Variants in RTKN2 observed in about 807,000 individuals in gnomAD.
RTKN2 encodes rhotekin-2.
RTKN2 carries 69 observed loss-of-function variants against 71.5 expected under a neutral mutation model. The observed-to-expected ratio is 0.96, with a 90% CI of 0.79 to 1.18. RTKN2 has a LOEUF of 1.18. Ranked by LOEUF, RTKN2 falls within the 50% of genes most tolerant of loss-of-function variation. The pLI is 0.00. For synonymous variants in RTKN2, 236 were observed against 236.5 expected (o/e 1.00, Z 0.02); for missense variants, 724 against 719.7 (o/e 1.01, Z -0.07).
At chr10:62,233,895 A>G (rs1260903435) in intron 6 of RTKN2, among the ~76,000 whole-genome samples, 1 of 152,218 alleles carries the variant, frequency 6.6e-6, no homozygotes, top group Non-Finnish European at 1.5e-5. Context: ...CATGCTGAAG[A>G]GCCAACTCGA....
intron 8 of RTKN2, among the ~76,000 whole-genome samples, chr10:62,186,607 T>C (rs1447996213): frequency 6.6e-6 from 1 of 152,172 alleles, no homozygotes; most frequent in Non-Finnish European, 1.5e-5. Context: ...CTCAACCCCT[T>C]CCCGCTCTCA....
downstream of RTKN2, among the ~76,000 whole-genome samples, chr10:62,189,550 G>C (rs113586497): frequency 6.6e-6 from 1 of 152,082 alleles, no homozygotes; most frequent in Non-Finnish European, 1.5e-5. Context: ...CACCCACCAG[G>C]TGCAGTGGCA....
intron 1 of RTKN2, among the ~76,000 whole-genome samples, chr10:62,263,030 C>T (rs1013125035): frequency 4.6e-5 from 7 of 152,068 alleles, no homozygotes; most frequent in Non-Finnish European, 8.8e-5. Flanking sequence ...TCTAAAGAAA[C>T]GGAATAAACG....
Position 62,262,668 on chromosome 10 carries a change from G to A in RTKN2, c.214C>T (p.Leu72=), listed in dbSNP as rs922241788. The A allele has an allele frequency of 1.9e-6, 3 of 1,610,866 alleles. No individual in the cohort carries two copies. The highest frequency in any genetic ancestry group is 2.5e-6 in the Non-Finnish European group (3 of 1,178,488). Residue 72 remains leucine, a synonymous_variant, in exon 2 of 12, where the codon CTA becomes TTA. Transcript: ENST00000373789. ...NARLMAYTSE[L]QKLEEQIANQ... ...GCAATCTGTTCTTCTAATTTCTGTA[G>A]CTCCGATGTATAGGCCATTAGTCGA...
At chr10:62,228,563 A>C (rs1842080311) in intron 6 of RTKN2, among the ~76,000 whole-genome samples, 1 of 152,236 alleles carries the variant, frequency 6.6e-6, no homozygotes, top group African/African-American at 2.4e-5. Context: ...GATAGTTATG[A>C]AATAAAAAAT....
intron 5 of RTKN2, among the ~76,000 whole-genome samples, chr10:62,236,769 C>A (rs1842267871): frequency 6.6e-6 from 1 of 151,946 alleles, no homozygotes; most frequent in Non-Finnish European, 1.5e-5. Context: ...TACACACACA[C>A]AACGGACAAC....
chr10:62,229,246 A>G (rs1277303184), intron 6 of RTKN2, among the ~76,000 whole-genome samples: 1 of 152,218 alleles, frequency 6.6e-6, no homozygotes, highest in African/African-American at 2.4e-5. Context: ...ACTGAAGGGA[A>G]GAACCTGGAA....
intron 7 of RTKN2, among the ~76,000 whole-genome samples, chr10:62,221,627 C>T (rs1841909419): frequency 6.6e-6 from 1 of 152,006 alleles, no homozygotes; most frequent in South Asian, 2.1e-4. Flanking sequence ...AAATTATATA[C>T]AGTAAAAATA....
chr10:62,268,492 G>T, intron 1 of RTKN2, 59 bp downstream of exon 1: 4 of 1,472,268 alleles, frequency 2.7e-6, no homozygotes, highest in Non-Finnish European at 2.8e-6. Context: ...AAGCAAATGC[G>T]CGAGGAACAG....
At chr10:62,238,013 C>T (rs961082565) in intron 5 of RTKN2, 4 of 151,764 alleles carry the variant, frequency 2.6e-5, no homozygotes, top group African/African-American at 9.7e-5. Flanking sequence ...ATACTTAAGA[C>T]TGCAAAAGAG....
At chr10:62,255,698 A>C (rs1475123338) in intron 2 of RTKN2, among the ~76,000 whole-genome samples, 2 of 152,214 alleles carry the variant, frequency 1.3e-5, no homozygotes, top group Non-Finnish European at 2.9e-5. Flanking sequence ...CCAACACCCC[A>C]CAGATTATTT....
intron 6 of RTKN2, among the ~76,000 whole-genome samples, chr10:62,234,240 A>G (rs1842209134): frequency 6.6e-6 from 1 of 152,054 alleles, no homozygotes; most frequent in Non-Finnish European, 1.5e-5. Flanking sequence ...ATAAAAATTC[A>G]AGGCTGGGTG....
intron 9 of RTKN2, among the ~76,000 whole-genome samples, chr10:62,205,311 C>T (rs1841528606): frequency 6.6e-6 from 1 of 152,060 alleles, no homozygotes; most frequent in Non-Finnish European, 1.5e-5. Context: ...TGTTTTGATC[C>T]ATCTCAGTTT....
chr10:62,223,222 T>C lies in RTKN2; in HGVS notation c.781+16A>G. The C allele has an allele frequency of 7.1e-7, 1 of 1,402,768 alleles. No individual in the cohort carries two copies. Among genetic ancestry groups the C allele is most frequent in the South Asian group, 1.2e-5 (1 of 83,432 alleles). 86.9% of individuals were successfully genotyped at this position (1,402,768 alleles called of 1,614,324 possible). ...GACAGAATATATGTAATAAGTAAAA[T>C]ATATACTGTACTTACCATTTCCATT... On this transcript the variant is annotated intron_variant, in intron 7 of 11. Coordinates refer to ENST00000373789, the MANE Select transcript of RTKN2 (RefSeq NM_145307.4).
intron 1 of RTKN2, among the ~76,000 whole-genome samples, chr10:62,263,725 C>T (rs768647338): frequency 1.3e-5 from 2 of 152,110 alleles, no homozygotes; most frequent in Admixed American, 6.5e-5. Context: ...AGAGTGAAAG[C>T]GCTGTACACT....
At chr10:62,215,294 T>G (rs979668522) in intron 9 of RTKN2, among the ~76,000 whole-genome samples, 4 of 151,910 alleles carry the variant, frequency 2.6e-5, no homozygotes, top group Admixed American at 2.6e-4. Flanking sequence ...TACATATAGA[T>G]TTGGAGAGAT....
chr10:62,221,952 C>A (rs553040532), intron 7 of RTKN2, among the ~76,000 whole-genome samples: 7 of 152,118 alleles, frequency 4.6e-5, no homozygotes, highest in African/African-American at 1.7e-4. Context: ...AGGTAGATAT[C>A]TATAAAAACA....
In RTKN2 at chr10:62,217,185, T is replaced by TA. The variant is rs563733406; in HGVS notation, c.952dup (p.Tyr318LeufsTer10). On this transcript the variant is annotated frameshift_variant, in exon 9 of 12. Coordinates refer to ENST00000373789, the MANE Select transcript of RTKN2 (RefSeq NM_145307.4). LOFTEE classifies it high-confidence loss of function. ...AATTTCCTCTGGACTGTAAAAACAA[T>TA]AGAGTTTACCTCCTCGCAAAACACA... The TA allele has an allele frequency of 9.1e-5, 146 of 1,604,472 alleles. 1 individual carries two copies. In the East Asian group the frequency reaches 2.9e-3, roughly 32 times the overall value.
chr10:62,234,408 T>A (rs1256571968), intron 6 of RTKN2, among the ~76,000 whole-genome samples: 2 of 150,822 alleles, frequency 1.3e-5, no homozygotes, highest in African/African-American at 4.9e-5. Flanking sequence ...CATGTGCCAG[T>A]AGTCCTAGCT....
Sources: gnomAD v4.1 joint callset for allele counts (sites outside exome capture counted in the v4.1 genomes callset) on GRCh38, gnomAD v4.1.1 for gene constraint, MANE v1.5 for transcripts, NCBI Gene and HGNC (gene_info 2026-07-23, HGNC 2026-07-21) for gene names.